TMPRSS11A: variants seen among roughly 807,000 people sequenced by gnomAD.
TMPRSS11A encodes transmembrane protease serine 11A.
In TMPRSS11A, 53 loss-of-function variants were observed where a neutral mutation model predicts 58.9. The ratio of observed to expected loss-of-function variants is 0.90; its 90% CI spans 0.72 to 1.13. TMPRSS11A has a LOEUF of 1.13. Ranked by LOEUF, TMPRSS11A falls within the 50% of genes most tolerant of loss-of-function variation. The pLI is 0.00. For missense variants in TMPRSS11A, 493 were observed against 499.3 expected, an observed-to-expected ratio of 0.99 and a Z score of 0.12; for synonymous variants, 167 against 169.8, an observed-to-expected ratio of 0.98 and a Z score of 0.13.
intron 6 of TMPRSS11A, among the ~76,000 whole-genome samples, chr4:67,923,285 G>A (rs763013231): frequency 2.6e-5 from 4 of 152,090 alleles, no homozygotes; most frequent in Admixed American, 6.6e-5. Context: ...CCAACTCCTG[G>A]TCTAATTTCT....
intron 1 of TMPRSS11A, among the ~76,000 whole-genome samples, chr4:67,960,654 G>A (rs971722255): frequency 6.6e-6 from 1 of 152,096 alleles, no homozygotes; most frequent in Non-Finnish European, 1.5e-5. Context: ...AACTAACATG[G>A]TGAGTTTGCT....
At chr4:67,934,719 G>A (rs1720709401) in intron 3 of TMPRSS11A, among the ~76,000 whole-genome samples, 1 of 152,130 alleles carries the variant, frequency 6.6e-6, no homozygotes, top group South Asian at 2.1e-4. Flanking sequence ...TTTAATGAAA[G>A]AGTGAGGGAG....
At chr4:67,918,623 G>T (rs964616942) in intron 8 of TMPRSS11A, among the ~76,000 whole-genome samples, 1 of 152,146 alleles carries the variant, frequency 6.6e-6, no homozygotes, top group Admixed American at 6.5e-5. Flanking sequence ...GACACTAGGT[G>T]AAGCTAGCAT....
rs143901496 is a variant in TMPRSS11A at position 67,920,297 on chromosome 4, C to T, written c.693-1065G>A. Among the ~76,000 whole-genome samples the T allele has an allele frequency of 5.5e-3, 830 of 152,142 alleles. 10 individuals are homozygous for T. Among genetic ancestry groups the T allele is most frequent in the African/African-American group, 0.019 (801 of 41,506 alleles). The stretch of plus-strand genomic sequence containing the variant: ...ACATCACATATCTGCCTGCCTCTCT[C>T]TGCTCTTCCCTTTATAAAACACTGT... On this transcript the variant is annotated intron_variant, in intron 7 of 9. Coordinates refer to ENST00000508048, the MANE Select transcript of TMPRSS11A (RefSeq NM_001114387.2).
Position 67,917,960 on chromosome 4 carries a change from A to C in TMPRSS11A, c.952+1013T>G, listed in dbSNP as rs1720204709. On this transcript the variant is annotated intron_variant, in intron 8 of 9. Transcript: ENST00000508048. Reference sequence around the variant, plus strand: ...AATACAACCTTAAAGAAAGCAATGCATGTCTCACTCTGTATAAGATAAAAC... The same window carrying C: ...AATACAACCTTAAAGAAAGCAATGCCTGTCTCACTCTGTATAAGATAAAAC... 1.3e-5 allele frequency among the ~76,000 whole-genome samples: 2 copies of C among 152,326 alleles called. 1 individual carries two copies. Among genetic ancestry groups the C allele is most frequent in the East Asian group, 3.9e-4 (2 of 5,184 alleles).
At chr4:67,945,051 G>C (rs1212581772) in intron 2 of TMPRSS11A, among the ~76,000 whole-genome samples, 2 of 152,148 alleles carry the variant, frequency 1.3e-5, no homozygotes, top group African/African-American at 4.8e-5. Context: ...GTTGAAATGT[G>C]TACCATCATA....
At chr4:67,947,865 A>G (rs1442019417) in intron 1 of TMPRSS11A, among the ~76,000 whole-genome samples, 1 of 152,226 alleles carries the variant, frequency 6.6e-6, no homozygotes, top group Non-Finnish European at 1.5e-5. Flanking sequence ...ATATAAATCT[A>G]TGAGAGTCAG....
At chr4:67,924,492 T>C (rs1244585245) in intron 5 of TMPRSS11A, among the ~76,000 whole-genome samples, 1 of 152,204 alleles carries the variant, frequency 6.6e-6, no homozygotes, top group East Asian at 1.9e-4. Flanking sequence ...TGCATTCCAC[T>C]TCAGAAGATG....
At chr4:67,945,704 TA>T (rs938471347) in intron 2 of TMPRSS11A, among the ~76,000 whole-genome samples, 5 of 152,158 alleles carry the variant, frequency 3.3e-5, no homozygotes, top group Non-Finnish European at 7.3e-5. Context: ...ATAAGAGCGT[TA>T]AAGTGAGCAG....
chr4:67,950,668 A>G (rs2109766585), intron 1 of TMPRSS11A, among the ~76,000 whole-genome samples: 1 of 152,358 alleles, frequency 6.6e-6, no homozygotes, highest in African/African-American at 2.4e-5. Flanking sequence ...GCCTTTCAGG[A>G]AAATGAACAG....
intron 1 of TMPRSS11A, among the ~76,000 whole-genome samples, chr4:67,947,745 AT>A (rs1368355138): frequency 3.3e-5 from 5 of 152,230 alleles, no homozygotes; most frequent in Non-Finnish European, 7.3e-5. Context: ...TGAATCAAGT[AT>A]TAGTTTGCAT....
intron 1 of TMPRSS11A, among the ~76,000 whole-genome samples, chr4:67,952,337 C>A (rs1721182420): frequency 6.6e-6 from 1 of 152,124 alleles, no homozygotes; most frequent in Non-Finnish European, 1.5e-5. Flanking sequence ...GATTCTTTTT[C>A]CTTCTTCAGA....
intron 3 of TMPRSS11A, among the ~76,000 whole-genome samples, chr4:67,935,223 T>C (rs1445895869): frequency 6.6e-6 from 1 of 152,128 alleles, no homozygotes; most frequent in East Asian, 1.9e-4. Flanking sequence ...ACATTCAAGG[T>C]CCTCTCCCTC....
chr4:67,924,252 C>T (rs920943225), intron 5 of TMPRSS11A, 86 bp from the exon 6 acceptor site: 10 of 1,096,738 alleles, frequency 9.1e-6, no homozygotes, highest in Non-Finnish European at 1.3e-5. Context: ...GGATACTGAC[C>T]ATATATGGAT....
At chr4:67,926,887 G>T (rs907266573) in intron 5 of TMPRSS11A, among the ~76,000 whole-genome samples, 3 of 152,190 alleles carry the variant, frequency 2.0e-5, no homozygotes, top group African/African-American at 7.2e-5. Context: ...CCTGCAGAGA[G>T]GAGATAGACC....
rs139311355 is a variant in TMPRSS11A, at chr4:67,916,169, G to C, written c.953-1439C>G. On this transcript the variant is annotated intron_variant, in intron 8 of 9. Coordinates refer to ENST00000508048, the MANE Select transcript of TMPRSS11A (RefSeq NM_001114387.2). ...CAAAAATGATAATTATGTAAAATAAGACGCTTCTTAGTTAACTAGATTTAA... is the reference window on the plus strand; with the variant it reads ...CAAAAATGATAATTATGTAAAATAACACGCTTCTTAGTTAACTAGATTTAA... Among the ~76,000 whole-genome samples the C allele has an allele frequency of 4.6e-5, 7 of 152,064 alleles. No individual in the cohort carries two copies. In the East Asian group the frequency reaches 1.4e-3, roughly 29 times the overall value.
At chr4:67,944,344 C>T (rs535074675) in intron 3 of TMPRSS11A, among the ~76,000 whole-genome samples, 175 bp downstream of exon 3, 1 of 152,190 alleles carries the variant, frequency 6.6e-6, no homozygotes, top group East Asian at 1.9e-4. Flanking sequence ...CTCCTCTCCC[C>T]ACCTACCCAT....
At chr4:67,912,345 A>G (rs1720006051) in intron 9 of TMPRSS11A, among the ~76,000 whole-genome samples, 1 of 151,738 alleles carries the variant, frequency 6.6e-6, no homozygotes. Flanking sequence ...ATCTTTTCTT[A>G]CTTCTGCTCA....
At chr4:67,928,649 G>A (rs767944615) in intron 5 of TMPRSS11A, among the ~76,000 whole-genome samples, 6 of 152,204 alleles carry the variant, frequency 3.9e-5, no homozygotes, top group African/African-American at 1.2e-4. Context: ...CACTTGTCAG[G>A]TTCCTCCCTT....
Sources: allele counts gnomAD v4.1 joint callset (sites outside exome capture counted in the v4.1 genomes callset), GRCh38; gene constraint gnomAD v4.1.1; transcripts MANE v1.5; gene names NCBI Gene and HGNC (gene_info 2026-07-23, HGNC 2026-07-21).